CNTN5: variants seen among roughly 807,000 people sequenced by gnomAD.
The protein encoded by CNTN5 is contactin-5.
CNTN5 carries 77 observed loss-of-function variants against 129.1 expected under a neutral mutation model. The observed-to-expected ratio is 0.60, with a 90% confidence interval of 0.50 to 0.72. The LOEUF (loss-of-function observed/expected upper bound fraction) is 0.72, where lower values mean the gene tolerates loss of function less well. Ranked by LOEUF, CNTN5 falls within the 30% of genes least tolerant of loss-of-function variation. The pLI is 0.00. For missense variants in CNTN5, 1,478 were observed against 1,328.8 expected, an observed-to-expected ratio of 1.11 and a Z score of -1.75; for synonymous variants, 509 against 465.6, an observed-to-expected ratio of 1.09 and a Z score of -1.20.
intron 2 of CNTN5, among the ~76,000 whole-genome samples, chr11:99,396,652 A>G (rs1176872556): frequency 6.6e-6 from 1 of 151,722 alleles, no homozygotes; most frequent in African/African-American, 2.4e-5. Context: ...AAATATTTTT[A>G]TTATAAGAAA....
intron 13 of CNTN5, among the ~76,000 whole-genome samples, chr11:100,095,859 C>T (rs1218216281): frequency 6.6e-6 from 1 of 152,024 alleles, no homozygotes; most frequent in Non-Finnish European, 1.5e-5. Flanking sequence ...AACATGTCTC[C>T]ATTATTTTTA....
chr11:99,679,764 A>G (rs1953469316), intron 3 of CNTN5, among the ~76,000 whole-genome samples: 1 of 152,252 alleles, frequency 6.6e-6, no homozygotes, highest in South Asian at 2.1e-4. Flanking sequence ...AGAAATGATT[A>G]CACTTAGGCG....
chr11:99,483,560 T>C (rs12791442), intron 2 of CNTN5, among the ~76,000 whole-genome samples: 28 of 152,114 alleles, frequency 1.8e-4, no homozygotes, highest in Non-Finnish European at 3.1e-4. Flanking sequence ...TTTCAGGTGT[T>C]TGTATCTATT....
At chr11:99,644,964 A>G (rs1951898703) in intron 3 of CNTN5, among the ~76,000 whole-genome samples, 1 of 151,902 alleles carries the variant, frequency 6.6e-6, no homozygotes. Context: ...AAACAAAAAG[A>G]TATGAAAAAA....
chr11:100,229,460 C>T (rs1371049579), intron 16 of CNTN5, among the ~76,000 whole-genome samples: 4 of 151,976 alleles, frequency 2.6e-5, no homozygotes, highest in Admixed American at 1.3e-4. Context: ...CAGTTTTTAC[C>T]TGGATAGAAA....
intron 13 of CNTN5, among the ~76,000 whole-genome samples, chr11:100,169,262 T>C (rs949643949): frequency 7.2e-5 from 11 of 152,066 alleles, no homozygotes; most frequent in African/African-American, 1.7e-4. Context: ...TTGGGTGAAG[T>C]ATGAACCAAC....
At chr11:99,332,827 G>T (rs1866057242) in intron 2 of CNTN5, among the ~76,000 whole-genome samples, 1 of 152,056 alleles carries the variant, frequency 6.6e-6, no homozygotes, top group Admixed American at 6.6e-5. Flanking sequence ...TGGTTTCCAA[G>T]TGTCAGTATT....
intron 4 of CNTN5, among the ~76,000 whole-genome samples, chr11:99,835,008 T>C (rs1947258265): frequency 6.6e-6 from 1 of 152,184 alleles, no homozygotes; most frequent in South Asian, 2.1e-4. Context: ...ACCTTCCATG[T>C]TTCAGTTAAC....
intron 3 of CNTN5, among the ~76,000 whole-genome samples, chr11:99,799,748 A>C (rs190809168): frequency 6.6e-6 from 1 of 151,932 alleles, no homozygotes; most frequent in Non-Finnish European, 1.5e-5. Context: ...ACTTGGGTTG[A>C]TGCTGCCTTT....
chr11:99,490,649 G>A (rs1393661811), intron 2 of CNTN5, among the ~76,000 whole-genome samples: 1 of 152,162 alleles, frequency 6.6e-6, no homozygotes, highest in African/African-American at 2.4e-5. Context: ...CCAACATGAG[G>A]CTGTATTAGC....
rs1430680519 is a variant in CNTN5 at position 99,708,695 on chromosome 11, G to GC, written c.56-110848dup. Reference sequence around the variant, plus strand: ...TTTCTTTTCTCACTGTGGGGTGAATGCATCTACTACTTGCAGCTAAAGGAC... The same window carrying GC: ...TTTCTTTTCTCACTGTGGGGTGAATGCCATCTACTACTTGCAGCTAAAGGAC... On this transcript the variant is annotated intron_variant, in intron 3 of 24. Transcript: ENST00000524871. 2.0e-5 allele frequency among the ~76,000 whole-genome samples: 3 copies of GC among 151,772 alleles called. No individual in the cohort carries two copies. In the East Asian group the frequency reaches 5.9e-4, roughly 30 times the overall value.
intron 8 of CNTN5, among the ~76,000 whole-genome samples, chr11:99,999,269 C>T (rs571474793): frequency 1.2e-4 from 18 of 152,044 alleles, no homozygotes; most frequent in Admixed American, 9.2e-4. Context: ...TGACAAAGGG[C>T]TAATATCCAG....
At chr11:100,073,653 T>C (rs1221638557) in intron 12 of CNTN5, among the ~76,000 whole-genome samples, 1 of 151,914 alleles carries the variant, frequency 6.6e-6, no homozygotes, top group African/African-American at 2.4e-5. Context: ...ATAATTCAAT[T>C]TTAAAAATTA....
At chr11:99,127,822 C>T (rs962501219) in intron 1 of CNTN5, among the ~76,000 whole-genome samples, 2 of 152,184 alleles carry the variant, frequency 1.3e-5, no homozygotes, top group Admixed American at 1.3e-4. Flanking sequence ...GTGGTATCCT[C>T]CATTAACGTC....
At chr11:99,598,326 GTCCCTC>G (rs1363392435) in intron 3 of CNTN5, among the ~76,000 whole-genome samples, 238 of 4,282 alleles carry the variant, frequency 0.056, 42 homozygotes, top group East Asian at 0.12. Context: ...TTTCTTTTCT[GTCCCTC>G]TCTCTCTCTC....
At chr11:99,236,741 A>G (rs115169361) in intron 1 of CNTN5, among the ~76,000 whole-genome samples, 2,365 of 152,272 alleles carry the variant, frequency 0.016, 52 homozygotes, top group African/African-American at 0.053. Flanking sequence ...AACAAATTAC[A>G]TACGATCGAA....
chr11:99,440,940 A>G (rs1424456950), intron 2 of CNTN5, among the ~76,000 whole-genome samples: 2 of 152,134 alleles, frequency 1.3e-5, no homozygotes, highest in East Asian at 3.9e-4. Context: ...TCTAGATGAT[A>G]TCATAACAGA....
intron 2 of CNTN5, among the ~76,000 whole-genome samples, chr11:99,505,424 G>A (rs921551130): frequency 6.6e-6 from 1 of 152,272 alleles, no homozygotes; most frequent in Non-Finnish European, 1.5e-5. Flanking sequence ...TAGTATGCAG[G>A]ATAATTTACA....
intron 23 of CNTN5, 41 bp downstream of exon 23, chr11:100,341,246 G>A (rs200531205): frequency 1.2e-4 from 160 of 1,381,094 alleles, no homozygotes; most frequent in Non-Finnish European, 4.6e-5. Context: ...ACTCATCTCC[G>A]AAATTGTTAT....
Sources: allele counts gnomAD v4.1 joint callset (sites outside exome capture counted in the v4.1 genomes callset), GRCh38; gene constraint gnomAD v4.1.1; transcripts MANE v1.5; gene names NCBI Gene and HGNC (gene_info 2026-07-23, HGNC 2026-07-21).